Variants in POGK observed in about 807,000 individuals in gnomAD.
POGK encodes pogo transposable element derived with KRAB domain.
POGK carries 16 observed loss-of-function variants against 54.4 expected under a neutral mutation model. The observed-to-expected ratio is 0.29, with a 90% confidence interval of 0.20 to 0.45. The LOEUF (loss-of-function observed/expected upper bound fraction) is 0.45, where lower values mean the gene tolerates loss of function less well. Ranked by LOEUF, POGK falls within the 20% of genes least tolerant of loss-of-function variation. POGK has a pLI of 1.00. For synonymous variants in POGK, 271 were observed against 302.2 expected (o/e 0.90, Z 1.07); for missense variants, 515 against 795.6 (o/e 0.65, Z 4.24).
Position 166,855,104 on chromosome 1 carries a change from G to A in POGK, c.*2534G>A, listed in dbSNP as rs1224917290. 6.6e-6 allele frequency: 1 copy of A among 151,196 alleles called. No homozygotes were observed. Among genetic ancestry groups the A allele is most frequent in the African/African-American group, 2.5e-5 (1 of 40,546 alleles). The allele number at this position is 151,196 out of a possible 1,614,324, so 9.4% of individuals were successfully genotyped here. ...GATCAGAGAAGTGGGTGATAAGAAC[G>A]TGCTAAATAACAAACCTGCACACTT... On this transcript the variant is annotated 3_prime_UTR_variant, in exon 6 of 6. Coordinates refer to ENST00000367876, the MANE Select transcript of POGK (RefSeq NM_017542.5).
chr1:166,852,072 T>A (rs569672248), intron 5 of POGK: 1 of 152,328 alleles, frequency 6.6e-6, no homozygotes, highest in Non-Finnish European at 1.5e-5. Flanking sequence ...AAATTGCTTT[T>A]TTTTCCCCCT....
intron 2 of POGK, among the ~76,000 whole-genome samples, chr1:166,843,232 C>G (rs1657611929): frequency 3.9e-5 from 6 of 152,186 alleles, no homozygotes. Flanking sequence ...GCAGCTCCTG[C>G]AGCTGGAACC....
At position 166,849,765 on chromosome 1, in the gene POGK, C is replaced by T. The variant is rs1657985505; in HGVS notation, c.1186C>T (p.Leu396=). The T allele has an allele frequency of 1.9e-6, 3 of 1,614,162 alleles. No individual in the cohort carries two copies. The South Asian group carries it at 3.3e-5, about 18-fold the overall frequency. Residue 396 remains leucine (L), a synonymous_variant, in exon 5 of 6, where the codon CTG becomes TTG. Coordinates refer to ENST00000367876, the MANE Select transcript of POGK (RefSeq NM_017542.5). ...GGTCAAGACACCAGGCAGGGAAAAA[C>T]TGAAAATCACAGCAATGCTTGGTGT... ...VLVKTPGREK[L]KITAMLGVLA...
In POGK at chr1:166,849,560, G is replaced by T. The variant is rs1179912077; in HGVS notation, c.981G>T (p.Val327=). Residue 327 remains valine, a synonymous_variant, in exon 5 of 6, where the codon GTG becomes GTT. Transcript: ENST00000367876. ...YDLSLRHKVP[V]PQHLPEDLTE... The stretch of plus-strand genomic sequence containing the variant: ...TGTCTCTGAGGCATAAAGTGCCCGT[G>T]CCCCAGCACCTGCCGGAAGACCTGA... 6.2e-7 allele frequency: 1 copy of T among 1,614,178 alleles called. No homozygotes were observed. The highest frequency in any genetic ancestry group is 1.3e-5 in the African/African-American group (1 of 74,960).
Position 166,849,152 on chromosome 1 carries a change from G to T in POGK, c.573G>T (p.Gln191His). 6.2e-7 allele frequency: 1 copy of T among 1,614,238 alleles called. No homozygotes were observed. The highest frequency in any genetic ancestry group is 8.5e-7 in the Non-Finnish European group (1 of 1,180,054). Residue 191 changes from glutamine to histidine, a missense_variant, in exon 5 of 6, where the codon CAG becomes CAT. By Grantham distance (24) the Gln-to-His change is conservative. Transcript: ENST00000367876. ...LSADDIAGKF[Q>H]FSRGMRRSYD... ...CTGATGACATAGCTGGGAAGTTTCA[G>T]TTCAGCCGGGGCATGCGCCGCAGTT...
chr1:166,848,905 C>A, intron 4 of POGK, 33 bp from the exon 5 acceptor site: 1 of 1,547,880 alleles, frequency 6.5e-7, no homozygotes, highest in Non-Finnish European at 8.7e-7. Flanking sequence ...TACTTACTGG[C>A]ATTATTTTTG....
chr1:166,840,646 G>A (rs1361832544), intron 1 of POGK, among the ~76,000 whole-genome samples: 2 of 152,200 alleles, frequency 1.3e-5, no homozygotes, highest in Non-Finnish European at 2.9e-5. Flanking sequence ...ACCTTTTCCA[G>A]GAGTATTTAT....
chr1:166,854,859 T>G lies in POGK; in HGVS notation c.*2289T>G, dbSNP rs181284854. On this transcript the variant is annotated 3_prime_UTR_variant, in exon 6 of 6. Transcript: ENST00000367876. ...ATTTACAGTGCCCATAAAGTAGTAG[T>G]TGATTCTCCAGGAATAATCTGGCAG... 1 of 152,368 alleles carries G rather than the reference T, an allele frequency of 6.6e-6. No individual in the cohort carries two copies. Among genetic ancestry groups the G allele is most frequent in the East Asian group, 1.9e-4 (1 of 5,188 alleles). 9.4% of individuals were successfully genotyped at this position (152,368 alleles called of 1,614,324 possible).
In POGK at chr1:166,850,225, A is replaced by G; in HGVS notation, c.1646A>G (p.Glu549Gly). 2 of 1,555,620 alleles carry G rather than the reference A, an allele frequency of 1.3e-6. No individual in the cohort carries two copies. Among genetic ancestry groups the G allele is most frequent in the Non-Finnish European group, 1.7e-6 (2 of 1,149,036 alleles). The part of the protein sequence containing the change: ...AKKPPLGLFL[E>G]WVMVAWNSIS... ...AAGCCACCCCTGGGCCTCTTTCTGG[A>G]GTGGGTCATGGTCGCGTGGAATAGC... The change falls in exon 5 of 6, where the codon GAG becomes GGG. Residue 549 changes from glutamate to glycine, a missense_variant. Glu to Gly is a moderately conservative substitution (Grantham distance 98, BLOSUM62 -2). This residue lies in a region of POGK where 461 missense variants were observed against 743.5 expected (regional missense o/e 0.62). Coordinates refer to ENST00000367876, the MANE Select transcript of POGK (RefSeq NM_017542.5).
chr1:166,842,063 C>A (rs981325544), intron 2 of POGK, among the ~76,000 whole-genome samples: 1 of 152,016 alleles, frequency 6.6e-6, no homozygotes, highest in Non-Finnish European at 1.5e-5. Flanking sequence ...CTGTGGACAC[C>A]GCGCTGCCTT....
rs138187105 is a variant in POGK at position 166,847,702 on chromosome 1, G to A, written c.358+110G>A. On this transcript the variant is annotated intron_variant, in intron 4 of 5. Coordinates refer to ENST00000367876, the MANE Select transcript of POGK (RefSeq NM_017542.5). Reference sequence around the variant, plus strand: ...AAGAGGTAGAAGGATTATGGGTTTTGGAGTTTTGAAATCTCCCTCTTTGCA... The same window carrying A: ...AAGAGGTAGAAGGATTATGGGTTTTAGAGTTTTGAAATCTCCCTCTTTGCA... 1.5e-4 allele frequency: 123 copies of A among 820,856 alleles called. No individual in the cohort carries two copies. The African/African-American group carries it at 1.8e-3, about 12-fold the overall frequency. 50.8% of individuals were successfully genotyped at this position (820,856 alleles called of 1,614,324 possible).
At chr1:166,850,622 G>A (rs1329404650) in intron 5 of POGK, 199 bp downstream of exon 5, 3 of 538,924 alleles carry the variant, frequency 5.6e-6, no homozygotes, top group Non-Finnish European at 9.5e-6. Flanking sequence ...AGCAGGAGGT[G>A]AGCGGCAGGT....
At position 166,841,032 on chromosome 1, in the gene POGK, C is replaced by G; in HGVS notation, c.76C>G (p.Leu26Val). The change falls in exon 2 of 6, where the codon CTA becomes GTA. Residue 26 changes from leucine (L) to valine (V), a missense_variant. Coordinates refer to ENST00000367876, the MANE Select transcript of POGK (RefSeq NM_017542.5). ...EEEEEIQSRE[L>V]EDGPADMQKV... is the part of the protein sequence containing the mutation. ...GGAAGAAGAGATTCAGAGCCGGGAA[C>G]TAGAGGACGGCCCGGCAGACATGCA... The G allele has an allele frequency of 6.2e-7, 1 of 1,614,002 alleles. No homozygotes were observed. The highest frequency in any genetic ancestry group is 8.5e-7 in the Non-Finnish European group (1 of 1,180,008).
intron 3 of POGK, 49 bp downstream of exon 3, chr1:166,846,787 T>C (rs748381911): frequency 1.1e-5 from 18 of 1,607,566 alleles, no homozygotes; most frequent in Non-Finnish European, 1.4e-5. Context: ...GCCCAGAGAA[T>C]TGTTTCCATG....
In POGK at chr1:166,855,753, A is replaced by G. The variant is rs982892641; in HGVS notation, c.*3183A>G. ...TGCTGTATGTACAGCCATACAGCCTATGGAACCTGACATTGCAGTGGGCAG... is the reference window on the plus strand; with the variant it reads ...TGCTGTATGTACAGCCATACAGCCTGTGGAACCTGACATTGCAGTGGGCAG... On this transcript the variant is annotated 3_prime_UTR_variant, in exon 6 of 6. Coordinates refer to ENST00000367876, the MANE Select transcript of POGK (RefSeq NM_017542.5). 6.6e-6 allele frequency: 1 copy of G among 152,250 alleles called. No homozygotes were observed. The highest frequency in any genetic ancestry group is 6.5e-5 in the Admixed American group (1 of 15,290). 9.4% of individuals were successfully genotyped at this position (152,250 alleles called of 1,614,324 possible).
In POGK at chr1:166,847,544, G is replaced by T. The variant is rs776233130; in HGVS notation, c.310G>T (p.Glu104Ter). 6.2e-6 allele frequency: 10 copies of T among 1,613,858 alleles called. No individual in the cohort carries two copies. Among genetic ancestry groups the T allele is most frequent in the East Asian group, 4.5e-5 (2 of 44,894 alleles). Residue 104 changes from glutamate (E) to a stop codon, truncating the protein, a stop_gained, in exon 4 of 6, where the codon GAG becomes TAG. Transcript: ENST00000367876. LOFTEE classifies it high-confidence loss of function. ...GATCACCCGTTTGGAAGGGGAGGAGGAGTCTCAGAATTCTGACGAGTGGCA... is the reference window on the plus strand; with the variant it reads ...GATCACCCGTTTGGAAGGGGAGGAGTAGTCTCAGAATTCTGACGAGTGGCA... ...DMITRLEGEE[E>*]SQNSDEWQLQ...
chr1:166,844,888 A>T (rs1028595980), intron 2 of POGK, among the ~76,000 whole-genome samples: 7 of 152,256 alleles, frequency 4.6e-5, no homozygotes, highest in Admixed American at 1.3e-4. Flanking sequence ...CCTCGGGAGC[A>T]GGGATTTTGG....
At chr1:166,846,938 T>A (rs1473467851) in intron 3 of POGK, among the ~76,000 whole-genome samples, 200 bp downstream of exon 3, 1 of 152,234 alleles carries the variant, frequency 6.6e-6, no homozygotes, top group Non-Finnish European at 1.5e-5. Flanking sequence ...CCGTGCTGCC[T>A]CAGAACTGCC....
intron 4 of POGK, among the ~76,000 whole-genome samples, chr1:166,847,935 A>G (rs1250086739): frequency 6.6e-6 from 1 of 152,176 alleles, no homozygotes; most frequent in East Asian, 1.9e-4. Flanking sequence ...CAAACTAAGA[A>G]TAGTGAGAGG....
Sources: gnomAD v4.1 joint callset for allele counts (sites outside exome capture counted in the v4.1 genomes callset) on GRCh38, gnomAD v4.1.1 for gene constraint, gnomAD v4.1.1 regional missense constraint, MANE v1.5 for transcripts, NCBI Gene and HGNC (gene_info 2026-07-23, HGNC 2026-07-21) for gene names.